SLC6A16: variants seen among roughly 807,000 people sequenced by gnomAD.
SLC6A16 encodes orphan sodium- and chloride-dependent neurotransmitter transporter NTT5.
A neutral mutation model predicts 65.4 loss-of-function variants in SLC6A16; 54 were observed. The observed-to-expected ratio is 0.83, with a 90% confidence interval of 0.66 to 1.04. The LOEUF (loss-of-function observed/expected upper bound fraction) is 1.04, where lower values mean the gene tolerates loss of function less well. Among genes scored for constraint, SLC6A16 ranks in the 50% least tolerant of loss-of-function variants. SLC6A16 has a pLI of 0.00. For missense variants in SLC6A16, 816 were observed against 914.0 expected (o/e 0.89, Z 1.38); for synonymous variants, 330 against 346.5 (o/e 0.95, Z 0.53).
intron 1 of SLC6A16, among the ~76,000 whole-genome samples, chr19:49,321,267 CT>C (rs1428078924): frequency 2.0e-5 from 3 of 151,562 alleles, no homozygotes; most frequent in Non-Finnish European, 4.4e-5. Context: ...AATAATGATT[CT>C]CTCAACTGAT....
In SLC6A16 at chr19:49,317,545, G is replaced by A. The variant is rs562850941; in HGVS notation, c.-64-6134C>T. Among the ~76,000 whole-genome samples, 38 of 152,126 alleles carry A rather than the reference G, an allele frequency of 2.5e-4. 1 individual carries two copies. The highest frequency in any genetic ancestry group is 6.8e-3 in the Middle Eastern group (2 of 294). On this transcript the variant is annotated intron_variant, in intron 1 of 11. Coordinates refer to ENST00000335875, the MANE Select transcript of SLC6A16 (RefSeq NM_014037.3). ...AAATAGGCCAGGCGCCGTGGCTCAC[G>A]CCTGTAATCCTAGCACTTTAGGAGG...
At chr19:49,324,934 G>T in intron 1 of SLC6A16, 114 bp downstream of exon 1, 1 of 604,820 alleles carries the variant, frequency 1.7e-6, no homozygotes, top group Non-Finnish European at 2.1e-6. Context: ...CTCCCAGCCA[G>T]TCACCTGTCA....
At chr19:49,337,473 A>G in the SLC6A16 span, among the ~76,000 whole-genome samples, 15 of 151,986 alleles carry the variant, frequency 9.9e-5, no homozygotes, top group African/African-American at 7.3e-5. Context: ...TTTAAAAAAA[A>G]AATCCGGGTG....
intron 7 of SLC6A16, among the ~76,000 whole-genome samples, chr19:49,297,182 T>G (rs933857221): frequency 1.5e-4 from 23 of 152,118 alleles, no homozygotes; most frequent in African/African-American, 5.3e-4. Context: ...ACAAAGAACT[T>G]GCATTTAGGA....
At chr19:49,309,627 A>C in intron 5 of SLC6A16, 24 bp downstream of exon 5, 1 of 1,600,152 alleles carries the variant, frequency 6.2e-7, no homozygotes, top group South Asian at 1.1e-5. Context: ...GAGAATTTCA[A>C]GGAATCCAAT....
chr19:49,337,210 C>A, the SLC6A16 span: 1 of 1,614,148 alleles, frequency 6.2e-7, no homozygotes, highest in Non-Finnish European at 8.5e-7. Context: ...CATCTCCACT[C>A]AGCGGGCCCA....
At chr19:49,337,564 G>A in the SLC6A16 span, 1 of 1,184,188 alleles carries the variant, frequency 8.4e-7, no homozygotes, top group Non-Finnish European at 1.1e-6. Context: ...TGAGGCTACA[G>A]TGAGCCATGC....
Position 49,310,962 on chromosome 19 carries a change from AAGC to A in SLC6A16, c.383_385del (p.Arg128_Phe129delinsLeu). On this transcript the variant is annotated inframe_deletion, in exon 2 of 12. Transcript: ENST00000335875. ...TCCACTGTTAAGCCACAGGTAGGCA[AAGC>A]GCCAGAGACAAGATGGCTTCATAGA... 6.2e-7 allele frequency: 1 copy of A among 1,614,030 alleles called. No individual in the cohort carries two copies.
intron 7 of SLC6A16, among the ~76,000 whole-genome samples, chr19:49,307,656 C>A (rs984575227): frequency 9.5e-6 from 1 of 104,982 alleles, no homozygotes; most frequent in East Asian, 2.9e-4. Flanking sequence ...TATAGTGGGA[C>A]CCTGTTCTCA....
At chr19:49,326,072 A>G (rs1970793656), upstream of SLC6A16, among the ~76,000 whole-genome samples, 2 of 151,704 alleles carry the variant, frequency 1.3e-5, no homozygotes, top group South Asian at 4.2e-4. Flanking sequence ...CGGGAGCCTG[A>G]GGCAGGAGAA....
At chr19:49,336,883 A>G in the SLC6A16 span, 2 of 1,612,664 alleles carry the variant, frequency 1.2e-6, no homozygotes, top group African/African-American at 2.7e-5. Context: ...CACACAGCTC[A>G]TCATCACTCC....
chr19:49,337,772 G>A, the SLC6A16 span: 1 of 1,540,344 alleles, frequency 6.5e-7, no homozygotes, highest in East Asian at 2.4e-5. Flanking sequence ...GGAAGAAACA[G>A]AAAGACAGAC....
intron 1 of SLC6A16, among the ~76,000 whole-genome samples, chr19:49,324,481 G>A (rs757788911): frequency 6.6e-6 from 1 of 152,144 alleles, no homozygotes; most frequent in Non-Finnish European, 1.5e-5. Flanking sequence ...TGAGCCCCAG[G>A]CGGACTCCTC....
At chr19:49,312,764 G>C (rs1321064012) in intron 1 of SLC6A16, among the ~76,000 whole-genome samples, 1 of 152,176 alleles carries the variant, frequency 6.6e-6, no homozygotes, top group Non-Finnish European at 1.5e-5. Flanking sequence ...AACTGCTTGT[G>C]AGACACAGCT....
At chr19:49,336,694 A>G in the SLC6A16 span, 1 of 536,958 alleles carries the variant, frequency 1.9e-6, no homozygotes, top group Non-Finnish European at 3.3e-6. Flanking sequence ...GGAGAGGGTA[A>G]GAGGAAGAGA....
At chr19:49,339,491 T>G in the SLC6A16 span, 3 of 1,542,858 alleles carry the variant, frequency 1.9e-6, no homozygotes, top group African/African-American at 2.7e-5. The surrounding 1 kb of genome is among the most constrained non-coding windows in gnomAD (Gnocchi z 4.5). Flanking sequence ...GTCCTTCGGT[T>G]GCCTGGGAAG....
At chr19:49,307,678 TA>T (rs74182048) in intron 7 of SLC6A16, among the ~76,000 whole-genome samples, 85,196 of 109,326 alleles carry the variant, frequency 0.78, 32,493 homozygotes, top group African/African-American at 0.9. Context: ...AAATTTAAAT[TA>T]AAAAAAAAAA....
At chr19:49,339,325 C>T in the SLC6A16 span, 8 of 1,613,620 alleles carry the variant, frequency 5.0e-6, no homozygotes, top group South Asian at 4.4e-5. The surrounding 1 kb of genome is among the most constrained non-coding windows in gnomAD (Gnocchi z 4.5). Context: ...CCCTACACCC[C>T]CCAGGGCTGC....
intron 1 of SLC6A16, among the ~76,000 whole-genome samples, chr19:49,324,412 C>T (rs1028662252): frequency 6.6e-6 from 1 of 152,164 alleles, no homozygotes; most frequent in African/African-American, 2.4e-5. Context: ...GCAAGCTTTA[C>T]GGAAGGGAGA....
Sources: gnomAD v4.1 joint callset for allele counts (sites outside exome capture counted in the v4.1 genomes callset) on GRCh38, gnomAD v4.1.1 for gene constraint, Gnocchi (gnomAD v3.1) non-coding constraint, MANE v1.5 for transcripts, NCBI Gene and HGNC (gene_info 2026-07-23, HGNC 2026-07-21) for gene names.